DPYD: variants seen among roughly 807,000 people sequenced by gnomAD.
DPYD encodes the protein dihydropyrimidine dehydrogenase.
Under a neutral mutation model 116.2 loss-of-function variants are expected in DPYD, and 109 were observed. That is an observed-to-expected ratio of 0.94 (90% CI 0.80 to 1.10). DPYD has a LOEUF of 1.10. Among genes scored for constraint, DPYD ranks in the 50% least tolerant of loss-of-function variants. The pLI is 0.00. For synonymous variants in DPYD, 440 were observed against 432.0 expected (o/e 1.02, Z -0.23); for missense variants, 1,302 against 1,254.5 (o/e 1.04, Z -0.57).
intron 13 of DPYD, among the ~76,000 whole-genome samples, chr1:97,466,069 C>T (rs925514904): frequency 6.6e-6 from 1 of 152,096 alleles, no homozygotes; most frequent in Non-Finnish European, 1.5e-5. Flanking sequence ...CCACTGCACT[C>T]CAGCCTGGAT....
chr1:97,227,881 A>G lies in DPYD; in HGVS notation c.2442+6971T>C, dbSNP rs76868125. 3.3e-4 allele frequency among the ~76,000 whole-genome samples: 50 copies of G among 152,146 alleles called. 1 individual carries two copies. Among genetic ancestry groups the G allele is most frequent in the African/African-American group, 1.2e-3 (48 of 41,550 alleles). On this transcript the variant is annotated intron_variant, in intron 19 of 22. Coordinates refer to ENST00000370192, the MANE Select transcript of DPYD (RefSeq NM_000110.4). ...AATAAACTGTGAGGTGATATACAAT[A>G]TTTTGTGAACTTACATTTAATTCCT...
chr1:97,493,129 C>T (rs2101908872), intron 13 of DPYD, among the ~76,000 whole-genome samples: 1 of 152,282 alleles, frequency 6.6e-6, no homozygotes, highest in South Asian at 2.1e-4. Flanking sequence ...CTCTGTTGTA[C>T]ATTACATCCT....
At chr1:97,657,093 CAGT>C (rs1011724329) in intron 8 of DPYD, among the ~76,000 whole-genome samples, 35 of 151,526 alleles carry the variant, frequency 2.3e-4, no homozygotes, top group Non-Finnish European at 4.4e-4. Flanking sequence ...TTAGCCTCCA[CAGT>C]AGCTGGGATT....
intron 12 of DPYD, among the ~76,000 whole-genome samples, chr1:97,543,677 T>G (rs1207059194): frequency 1.3e-5 from 2 of 151,068 alleles, no homozygotes; most frequent in Non-Finnish European, 1.5e-5. Flanking sequence ...AAAACAATAT[T>G]ATATGCTAAT....
At chr1:97,785,012 C>T (rs1322930664) in intron 3 of DPYD, among the ~76,000 whole-genome samples, 2 of 152,124 alleles carry the variant, frequency 1.3e-5, no homozygotes, top group African/African-American at 4.8e-5. Flanking sequence ...TTTATAATTT[C>T]ATGGTGTTCT....
intron 20 of DPYD, among the ~76,000 whole-genome samples, chr1:97,183,647 CAT>C (rs1185452233): frequency 6.6e-6 from 1 of 152,070 alleles, no homozygotes; most frequent in Non-Finnish European, 1.5e-5. Flanking sequence ...CTAAAAAACA[CAT>C]GTTGGGAGTT....
chr1:97,119,037 T>C (rs1006163271), intron 20 of DPYD, among the ~76,000 whole-genome samples: 2 of 152,148 alleles, frequency 1.3e-5, no homozygotes, highest in African/African-American at 4.8e-5. Flanking sequence ...GAAGGTTCTT[T>C]CCTTCAGGTA....
chr1:97,858,234 AG>A (rs1670945123), intron 2 of DPYD, among the ~76,000 whole-genome samples: 1 of 152,146 alleles, frequency 6.6e-6, no homozygotes, highest in Non-Finnish European at 1.5e-5. Flanking sequence ...TTATAACTTT[AG>A]ATTATTATTT....
intron 5 of DPYD, among the ~76,000 whole-genome samples, chr1:97,713,178 C>T (rs1232655371): frequency 6.6e-6 from 1 of 151,942 alleles, no homozygotes; most frequent in Non-Finnish European, 1.5e-5. Context: ...AATAATATTG[C>T]TTTATACTAC....
At chr1:97,339,506 TTA>T (rs1669484403) in intron 16 of DPYD, among the ~76,000 whole-genome samples, 1 of 152,188 alleles carries the variant, frequency 6.6e-6, no homozygotes, top group African/African-American at 2.4e-5. Context: ...CCAAGAATCT[TTA>T]TACCAGCCAA....
chr1:97,241,973 T>C (rs1662363448), intron 18 of DPYD, among the ~76,000 whole-genome samples: 2 of 151,030 alleles, frequency 1.3e-5, no homozygotes, highest in South Asian at 4.2e-4. Context: ...AGATATAACA[T>C]TTGGGGTTCC....
intron 18 of DPYD, among the ~76,000 whole-genome samples, chr1:97,294,244 A>T (rs1256005477): frequency 1.3e-5 from 2 of 152,102 alleles, no homozygotes; most frequent in East Asian, 3.9e-4. Context: ...CATTTCTCAC[A>T]CCATATCATG....
rs1274424649 is a variant in DPYD, at chr1:97,794,845, T to C, written c.233+33269A>G. ...CTTTCACATCTTTCACAAGTCAGAT[T>C]TATCCCTAGTACTGTATAATTTTTA... On this transcript the variant is annotated intron_variant, in intron 3 of 22. Transcript: ENST00000370192. Among the ~76,000 whole-genome samples, 7 of 152,192 alleles carry C rather than the reference T, an allele frequency of 4.6e-5. No homozygotes were observed. The East Asian group carries it at 1.2e-3, about 25-fold the overall frequency.
At chr1:97,840,000 C>T (rs969652798) in intron 2 of DPYD, among the ~76,000 whole-genome samples, 1 of 152,060 alleles carries the variant, frequency 6.6e-6, no homozygotes, top group African/African-American at 2.4e-5. Context: ...ATATCCTTTG[C>T]CATTTTTGTC....
intron 20 of DPYD, among the ~76,000 whole-genome samples, chr1:97,147,839 G>A (rs1400426563): frequency 6.6e-6 from 1 of 152,152 alleles, no homozygotes; most frequent in African/African-American, 2.4e-5. Context: ...ACTGTACTTT[G>A]AGAATGGGTA....
chr1:97,383,556 G>A (rs746020140), intron 14 of DPYD, among the ~76,000 whole-genome samples: 2 of 151,810 alleles, frequency 1.3e-5, no homozygotes, highest in Non-Finnish European at 2.9e-5. Flanking sequence ...CTCTTACAGT[G>A]TGCTTGGCAC....
At chr1:97,384,844 A>G (rs1672226003) in intron 14 of DPYD, among the ~76,000 whole-genome samples, 1 of 152,164 alleles carries the variant, frequency 6.6e-6, no homozygotes, top group African/African-American at 2.4e-5. Flanking sequence ...AAGCCAGAAG[A>G]AACAGCAATT....
chr1:97,391,715 C>A (rs1398720777), intron 14 of DPYD, among the ~76,000 whole-genome samples: 1 of 151,972 alleles, frequency 6.6e-6, no homozygotes, highest in Non-Finnish European at 1.5e-5. Flanking sequence ...CTGATTTCAG[C>A]CAATACTATC....
In DPYD at chr1:97,587,741, G is replaced by A. The variant is rs149157960; in HGVS notation, c.1128+5477C>T. On this transcript the variant is annotated intron_variant, in intron 10 of 22. Coordinates refer to ENST00000370192, the MANE Select transcript of DPYD (RefSeq NM_000110.4). ...ACTCAGGAGGCTGCAGGAGAATGGC[G>A]TGAACCCGGGAGGCAGAGCCTGCAG... Among the ~76,000 whole-genome samples, 1,018 of 150,636 alleles carry A rather than the reference G, an allele frequency of 6.8e-3. 10 individuals carry two copies. Among genetic ancestry groups the A allele is most frequent in the African/African-American group, 0.024 (977 of 40,928 alleles).
Sources: allele counts gnomAD v4.1 joint callset (sites outside exome capture counted in the v4.1 genomes callset), GRCh38; gene constraint gnomAD v4.1.1; transcripts MANE v1.5; gene names NCBI Gene and HGNC (gene_info 2026-07-23, HGNC 2026-07-21).